CATSPERB: variants seen among roughly 807,000 people sequenced by gnomAD.
CATSPERB encodes the protein catsper channel auxiliary subunit beta.
A neutral mutation model predicts 128.3 loss-of-function variants in CATSPERB; 93 were observed. The ratio of observed to expected loss-of-function variants is 0.72; its 90% CI spans 0.61 to 0.86. The LOEUF (loss-of-function observed/expected upper bound fraction) is 0.86. CATSPERB is among the 40% of genes least tolerant of loss of function. The pLI is 0.00. For missense variants in CATSPERB, 1,153 were observed against 1,329.5 expected (o/e 0.87, Z 2.06); for synonymous variants, 381 against 448.8 (o/e 0.85, Z 1.91).
chr14:91,727,246 C>T (rs1896132300), intron 2 of CATSPERB, among the ~76,000 whole-genome samples: 1 of 152,122 alleles, frequency 6.6e-6, no homozygotes, highest in Non-Finnish European at 1.5e-5. Flanking sequence ...CAGTGCCCTC[C>T]CTGATCCATT....
intron 23 of CATSPERB, among the ~76,000 whole-genome samples, chr14:91,590,191 T>A (rs1305052941): frequency 5.3e-5 from 8 of 152,176 alleles, no homozygotes. Context: ...TCATGAAACA[T>A]TATTTTGGTT....
At chr14:91,584,989 TTTC>T (rs199499291) in intron 26 of CATSPERB, among the ~76,000 whole-genome samples, 1,687 of 151,250 alleles carry the variant, frequency 0.011, 30 homozygotes, top group East Asian at 0.045. Flanking sequence ...ATTTCTTTCC[TTTC>T]TTCTTCTTCT....
At position 91,607,099 on chromosome 14, in the gene CATSPERB, C is replaced by T. The variant is rs1404890630; in HGVS notation, c.2709+1195G>A. Among the ~76,000 whole-genome samples, 9 of 35,838 alleles carry T rather than the reference C, an allele frequency of 2.5e-4. 1 individual carries two copies. The highest frequency in any genetic ancestry group is 0.013 in the Middle Eastern group (1 of 76). 23.5% of individuals were successfully genotyped at this position (35,838 alleles called of 152,430 possible). On this transcript the variant is annotated intron_variant, in intron 22 of 26. Coordinates refer to ENST00000256343, the MANE Select transcript of CATSPERB (RefSeq NM_024764.4). ...TGTGTGTGGGCGGGGGGGGGGGGGG[C>T]GGTGAATGTGTATTAATATGTTTCA...
chr14:91,615,000 C>T (rs764190056), intron 20 of CATSPERB, among the ~76,000 whole-genome samples: 9 of 152,022 alleles, frequency 5.9e-5, no homozygotes, highest in African/African-American at 9.7e-5. Context: ...AATTCTGAAA[C>T]GTACAATACT....
In CATSPERB at chr14:91,729,453, T is replaced by A; in HGVS notation, c.27A>T (p.Ser9=). 1 of 1,536,522 alleles carries A rather than the reference T, an allele frequency of 6.5e-7. No homozygotes were observed. Among genetic ancestry groups the A allele is most frequent in the Non-Finnish European group, 8.9e-7 (1 of 1,118,374 alleles). Residue 9 remains serine (S), a synonymous_variant, in exon 2 of 27, where the codon TCA becomes TCT. Coordinates refer to ENST00000256343, the MANE Select transcript of CATSPERB (RefSeq NM_024764.4). The part of the protein sequence containing the change: MESPLIYV[S]VLLLNIFEFS... ...ATTCAAATATGTTCAAAAGCAAAAC[T>A]GAAACATATATAAGTGGCGATTCCA...
rs34458723 is a variant in CATSPERB at position 91,695,129 on chromosome 14, ATT to A, written c.617-1652_617-1651del. ...TTTAGTTTTACAGATAATGGTGGGA[ATT>A]TTTTTTTTTTTTTTTTTTGATAGAG... is the stretch of plus-strand genomic sequence containing the variant. On this transcript the variant is annotated intron_variant, in intron 7 of 26. Transcript: ENST00000256343. 6.3e-3 allele frequency among the ~76,000 whole-genome samples: 839 copies of A among 133,454 alleles called. 9 individuals are homozygous for A. The highest frequency in any genetic ancestry group is 0.016 in the African/African-American group (562 of 35,844). 87.6% of individuals were successfully genotyped at this position (133,454 alleles called of 152,430 possible).
chr14:91,691,134 G>T (rs903848967), intron 10 of CATSPERB, among the ~76,000 whole-genome samples: 9 of 152,176 alleles, frequency 5.9e-5, no homozygotes, highest in Non-Finnish European at 1.0e-4. Flanking sequence ...TTACACTGGG[G>T]TAGATGGATT....
intron 15 of CATSPERB, among the ~76,000 whole-genome samples, chr14:91,647,503 C>T (rs957513346): frequency 7.2e-5 from 11 of 152,176 alleles, no homozygotes; most frequent in Non-Finnish European, 1.5e-4. Flanking sequence ...TAAAGACATA[C>T]CTGAGACTGG....
intron 14 of CATSPERB, among the ~76,000 whole-genome samples, chr14:91,668,061 C>G (rs933078746): frequency 3.3e-5 from 5 of 152,308 alleles, no homozygotes; most frequent in African/African-American, 1.2e-4. Flanking sequence ...GAGTTCCCCT[C>G]TGGAGGACAC....
chr14:91,701,039 C>T (rs1218880923), intron 7 of CATSPERB, among the ~76,000 whole-genome samples: 1 of 152,066 alleles, frequency 6.6e-6, no homozygotes, highest in African/African-American at 2.4e-5. Flanking sequence ...GGGGAAAGAT[C>T]ATTGGAGGAC....
chr14:91,637,318 C>A (rs1432747469), intron 16 of CATSPERB, among the ~76,000 whole-genome samples: 2 of 152,098 alleles, frequency 1.3e-5, no homozygotes, highest in African/African-American at 4.8e-5. Context: ...TTCTGTCATG[C>A]TTTTTTTCCT....
intron 26 of CATSPERB, among the ~76,000 whole-genome samples, chr14:91,582,777 G>A (rs1393983513): frequency 3.9e-5 from 6 of 152,168 alleles, no homozygotes; most frequent in Admixed American, 1.3e-4. Context: ...CACACCCTAC[G>A]TCCCCTGTCT....
At chr14:91,607,924 A>G (rs1234414978) in intron 22 of CATSPERB, among the ~76,000 whole-genome samples, 1 of 152,056 alleles carries the variant, frequency 6.6e-6, no homozygotes, top group Non-Finnish European at 1.5e-5. Context: ...GAATCTTAGC[A>G]GGAGTTTAAA....
At chr14:91,620,733 T>C (rs767222439) in intron 19 of CATSPERB, among the ~76,000 whole-genome samples, 2 of 152,164 alleles carry the variant, frequency 1.3e-5, no homozygotes, top group Non-Finnish European at 2.9e-5. Context: ...AGGAGCCCTG[T>C]ATATACCAAA....
intron 22 of CATSPERB, chr14:91,604,429 G>T: frequency 7.7e-7 from 1 of 1,301,152 alleles, no homozygotes; most frequent in Non-Finnish European, 1.1e-6. Context: ...GCATGTTCGT[G>T]GAGTAGTTTA....
intron 5 of CATSPERB, among the ~76,000 whole-genome samples, chr14:91,714,279 A>C (rs1268401454): frequency 1.2e-4 from 3 of 24,318 alleles, no homozygotes; most frequent in Admixed American, 1.4e-3. Flanking sequence ...CAATAAGGCA[A>C]AAAAAAAAAA....
At chr14:91,686,558 C>T (rs57695477) in intron 10 of CATSPERB, among the ~76,000 whole-genome samples, 32,471 of 152,102 alleles carry the variant, frequency 0.21, 3,830 homozygotes, top group South Asian at 0.41. Context: ...TCCCAGCACC[C>T]TTCTACCTTT....
intron 23 of CATSPERB, among the ~76,000 whole-genome samples, chr14:91,589,968 A>C (rs1310021097): frequency 1.3e-5 from 2 of 152,286 alleles, no homozygotes; most frequent in South Asian, 4.1e-4. Flanking sequence ...GAGGCTGTGC[A>C]TAGATTGCTC....
intron 19 of CATSPERB, among the ~76,000 whole-genome samples, chr14:91,620,561 C>T (rs1417048897): frequency 6.6e-6 from 1 of 151,930 alleles, no homozygotes; most frequent in African/African-American, 2.4e-5. Context: ...TTTATTTTTT[C>T]CATTGTGCTA....
Sources: allele counts gnomAD v4.1 joint callset (sites outside exome capture counted in the v4.1 genomes callset), GRCh38; gene constraint gnomAD v4.1.1; transcripts MANE v1.5; gene names NCBI Gene and HGNC (gene_info 2026-07-23, HGNC 2026-07-21).